Variants in AHNAK2 observed in about 807,000 individuals in gnomAD.
AHNAK2 encodes the protein protein AHNAK2.
Under a neutral mutation model 30.7 loss-of-function variants are expected in AHNAK2, and 18 were observed. That is an observed-to-expected ratio of 0.59 (90% CI 0.41 to 0.87). The LOEUF (loss-of-function observed/expected upper bound fraction) is 0.87, where lower values mean the gene tolerates loss of function less well. AHNAK2 is among the 40% of genes least tolerant of loss of function. The pLI is 0.00. For synonymous variants in AHNAK2, 3,590 were observed against 3,073.8 expected (o/e 1.17, Z -5.56); for missense variants, 8,604 against 7,373.0 (o/e 1.17, Z -6.11).
At position 104,942,690 on chromosome 14, in the gene AHNAK2, G is replaced by T. The variant is rs758836684; in HGVS notation, c.12761C>A (p.Thr4254Asn). 15 of 1,613,350 alleles carry T rather than the reference G, an allele frequency of 9.3e-6. No homozygotes were observed. Among genetic ancestry groups the T allele is most frequent in the South Asian group, 6.6e-5 (6 of 91,058 alleles). ...DLKGPKADVMTPVVEVSLPSM... is the reference protein window; with the variant it reads ...DLKGPKADVMNPVVEVSLPSM... ...GGGCAGAGACACCTCCACGACGGGG[G>T]TCATCACATCCGCCTTGGGGCCTTT... Residue 4254 changes from threonine to asparagine, a missense_variant, in exon 7 of 7, where the codon ACC (threonine) becomes AAC (asparagine). Thr to Asn is a moderately conservative substitution (Grantham distance 65). Transcript: ENST00000333244.
Position 104,948,391 on chromosome 14 carries a change from G to A in AHNAK2, c.7060C>T (p.Leu2354Phe). ...TTGAGGTCCCCCTGCATGGAGGGGA[G>A]GCTCACGTCGGCCTCCACCTTCAAC... ...SALKVEADVS[L>F]PSMQGDLKTT... The change falls in exon 7 of 7, where the codon CTC becomes TTC. Residue 2354 changes from leucine to phenylalanine, a missense_variant. By Grantham distance (22) the Leu-to-Phe change is conservative. Coordinates refer to ENST00000333244, the MANE Select transcript of AHNAK2 (RefSeq NM_138420.4). 4 of 1,612,590 alleles carry A rather than the reference G, an allele frequency of 2.5e-6. No individual in the cohort carries two copies. Among genetic ancestry groups the A allele is most frequent in the Middle Eastern group, 1.7e-4 (1 of 6,044 alleles).
rs754481244 is a variant in AHNAK2 at position 104,941,546 on chromosome 14, C to T, written c.13905G>A (p.Thr4635=). 5.0e-6 allele frequency: 8 copies of T among 1,613,134 alleles called. No individual in the cohort carries two copies. Among genetic ancestry groups the T allele is most frequent in the Non-Finnish European group, 5.9e-6 (7 of 1,179,896 alleles). Residue 4635 remains threonine, a synonymous_variant, in exon 7 of 7, where the codon ACG becomes ACA. Coordinates refer to ENST00000333244, the MANE Select transcript of AHNAK2 (RefSeq NM_138420.4). ...TCTTTGACGACCATTCAAAACCAGA[C>T]GTGCTCAGTTTTGGTCCTTGAAACT... The part of the protein sequence containing the change: ...DSKFQGPKLS[T]SGFEWSSKKV...
rs1167655755 is a variant in AHNAK2, at chr14:104,950,112, G to T, written c.5339C>A (p.Pro1780His). ...LKGPKAEVMA[P>H]DVEVSLPSVE... ...GCTGGGCAGAGACACCTCCACGTCG[G>T]GGGCCATCACCTCCGCCTTGGGGCC... Residue 1780 changes from proline to histidine, a missense_variant, in exon 7 of 7, where the codon CCC becomes CAC. Pro to His is a moderately conservative substitution (Grantham distance 77, BLOSUM62 -2). Transcript: ENST00000333244. 6.3e-7 allele frequency: 1 copy of T among 1,586,732 alleles called. No individual in the cohort carries two copies. Among genetic ancestry groups the T allele is most frequent in the African/African-American group, 1.4e-5 (1 of 72,190 alleles).
chr14:104,943,402 T>A lies in AHNAK2; in HGVS notation c.12049A>T (p.Ser4017Cys). The A allele has an allele frequency of 6.2e-7, 1 of 1,613,208 alleles. No homozygotes were observed. The highest frequency in any genetic ancestry group is 8.5e-7 in the Non-Finnish European group (1 of 1,179,636). The change falls in exon 7 of 7, where the codon AGC becomes TGC. Residue 4017 changes from serine to cysteine, a missense_variant. By Grantham distance (112) the Ser-to-Cys change is moderately radical. Coordinates refer to ENST00000333244, the MANE Select transcript of AHNAK2 (RefSeq NM_138420.4). The stretch of plus-strand genomic sequence containing the variant: ...AGGTCAGCGGAAGGGGGCTGAACGC[T>A]GAGGTCAGTGGCCTTGAGGTCCCCC... ...MQGDLKATDL[S>C]VQPPSADLEV... is the part of the protein sequence containing the mutation.
In AHNAK2 at chr14:104,949,360, G is replaced by A. The variant is rs11850891; in HGVS notation, c.6091C>T (p.Leu2031=). Residue 2031 remains leucine (L), a synonymous_variant, in exon 7 of 7, where the codon CTG becomes TTG. Transcript: ENST00000333244. ...DVSLPSMQGD[L]KTTDLSIQPP... is the part of the protein sequence containing the mutation. The stretch of plus-strand genomic sequence containing the variant: ...TGAATGCTGAGGTCAGTGGTCTTCA[G>A]GTCCCCCTGCATGGAGGGGAGACTC... 5 of 1,573,348 alleles carry A rather than the reference G, an allele frequency of 3.2e-6. No homozygotes were observed. The highest frequency in any genetic ancestry group is 2.2e-5 in the South Asian group (2 of 89,234).
At position 104,940,699 on chromosome 14, in the gene AHNAK2, C is replaced by A; in HGVS notation, c.14752G>T (p.Val4918Leu). Residue 4918 changes from valine (V) to leucine (L), a missense_variant, in exon 7 of 7, where the codon GTG becomes TTG. Coordinates refer to ENST00000333244, the MANE Select transcript of AHNAK2 (RefSeq NM_138420.4). This position sits in a 1 kb window ranked among gnomAD's most constrained non-coding sequence, Gnocchi z 4.4. ...STQLPSPGTC[V>L]SQGPEELVAS... is the part of the protein sequence containing the mutation. ...ACAAGCTCTTCTGGGCCCTGAGACA[C>A]ACAGGTGCCTGGGGATGGCAGCTGG... 1 of 1,613,108 alleles carries A rather than the reference C, an allele frequency of 6.2e-7. No homozygotes were observed.
chr14:104,941,777 T>G lies in AHNAK2; in HGVS notation c.13674A>C (p.Lys4558Asn). The change falls in exon 7 of 7, where the codon AAA (lysine) becomes AAC (asparagine). Residue 4558 changes from lysine to asparagine, a missense_variant. Lys to Asn is a moderately conservative substitution (Grantham distance 94). Transcript: ENST00000333244. ...CCACCTGGGGGCCCTTGAGGTCCAC[T>G]TTGGGCATCTTGAAACTGGGCATCT... ...KVEMPSFKMP[K>N]VDLKGPQVDV... 1.2e-6 allele frequency: 2 copies of G among 1,613,576 alleles called. No individual in the cohort carries two copies. The highest frequency in any genetic ancestry group is 2.2e-5 in the South Asian group (2 of 91,062).
In AHNAK2 at chr14:104,976,338, T is replaced by C. The variant is rs536084890; in HGVS notation, c.55+1845A>G. ...AGGAGATGGCTCCCTGCTGGGCTGGTGCCTGGTGTGTCGGGCAGAGGGCAG... is the reference window on the plus strand; with the variant it reads ...AGGAGATGGCTCCCTGCTGGGCTGGCGCCTGGTGTGTCGGGCAGAGGGCAG... On this transcript the variant is annotated intron_variant, in intron 1 of 6. Coordinates refer to ENST00000333244, the MANE Select transcript of AHNAK2 (RefSeq NM_138420.4). Among the ~76,000 whole-genome samples the C allele has an allele frequency of 1.1e-3, 164 of 152,220 alleles. 1 individual carries two copies. The highest frequency in any genetic ancestry group is 3.7e-3 in the African/African-American group (155 of 41,518).
At chr14:104,962,411 C>A (rs1218896483) in intron 1 of AHNAK2, among the ~76,000 whole-genome samples, 1 of 152,116 alleles carries the variant, frequency 6.6e-6, no homozygotes, top group African/African-American at 2.4e-5. Flanking sequence ...ATGGCCAATT[C>A]ATTCTTGTTT....
chr14:104,948,155 G>A lies in AHNAK2; in HGVS notation c.7296C>T (p.Gly2432=), dbSNP rs1898408865. The change falls in exon 7 of 7, where the codon GGC becomes GGT. Residue 2432 remains glycine (G), a synonymous_variant. Transcript: ENST00000333244. The stretch of plus-strand genomic sequence containing the variant: ...CGGGGGCCATCACGTCCGTCTTGGG[G>A]CCTTTCAGGTCCAGCTTGGGGCCCT... ...DVKGPKLDLK[G]PKTDVMAPDV... is the part of the protein sequence containing the mutation. 1.2e-6 allele frequency: 2 copies of A among 1,612,518 alleles called. No homozygotes were observed. Among genetic ancestry groups the A allele is most frequent in the Admixed American group, 1.7e-5 (1 of 59,918 alleles).
intron 1 of AHNAK2, among the ~76,000 whole-genome samples, chr14:104,975,360 C>T (rs1045988094): frequency 3.3e-5 from 5 of 152,194 alleles, no homozygotes; most frequent in African/African-American, 1.2e-4. Flanking sequence ...GCCTCCCTCC[C>T]TGGTGGTCCA....
chr14:104,951,028 GCCGT>G lies in AHNAK2; in HGVS notation c.4419_4422del (p.Arg1474TrpfsTer12), dbSNP rs756222058. 8 of 1,063,556 alleles carry G rather than the reference GCCGT, an allele frequency of 7.5e-6. 3 individuals are homozygous for G. The Admixed American group carries it at 1.1e-4, about 14-fold the overall frequency. The allele number at this position is 1,063,556 out of a possible 1,614,324, so 65.9% of individuals were successfully genotyped here. A position where few individuals can be genotyped will look rare whatever the true frequency, so the allele number is the denominator to read the frequency against. ...TCGGCCAGGGACATGTCCTCCTCCA[GCCGT>G]CCACCATCCAGCTTGGCTCCTGGGG... On this transcript the variant is annotated frameshift_variant, in exon 7 of 7. Coordinates refer to ENST00000333244, the MANE Select transcript of AHNAK2 (RefSeq NM_138420.4). LOFTEE classifies it low-confidence loss of function (END_TRUNC).
chr14:104,950,311 C>T lies in AHNAK2; in HGVS notation c.5140G>A (p.Asp1714Asn), dbSNP rs550305346. Residue 1714 changes from aspartate to asparagine, a missense_variant, in exon 7 of 7, where the codon GAC (aspartate) becomes AAC (asparagine). Coordinates refer to ENST00000333244, the MANE Select transcript of AHNAK2 (RefSeq NM_138420.4). ...TDLSIQSPSA[D>N]LEVQAGQVNV... ...ACTTGGCCAGCCTGGACCTCCAGGTCGGCGGAAGGGGACTGAATGCTGAGG... is the reference window on the plus strand; with the variant it reads ...ACTTGGCCAGCCTGGACCTCCAGGTTGGCGGAAGGGGACTGAATGCTGAGG... 72 of 1,585,018 alleles carry T rather than the reference C, an allele frequency of 4.5e-5. 9 individuals are homozygous for T. The South Asian group carries it at 5.5e-4, about 12-fold the overall frequency.
rs371655698 is a variant in AHNAK2, at chr14:104,945,498, T to A, written c.9953A>T (p.Tyr3318Phe). The A allele has an allele frequency of 2.9e-5, 46 of 1,610,614 alleles. No individual in the cohort carries two copies. Among genetic ancestry groups the A allele is most frequent in the Middle Eastern group, 1.7e-4 (1 of 6,042 alleles). The change falls in exon 7 of 7, where the codon TAC becomes TTC. Residue 3318 changes from tyrosine (Y) to phenylalanine (F), a missense_variant. Transcript: ENST00000333244. Reference protein sequence around the residue: ...FKMPKFKMPSYRASAPGKSIQ... With the variant: ...FKMPKFKMPSFRASAPGKSIQ... ...GGACTTGCCTGGGGCAGACGCCCTG[T>A]ACGACGGCATCTTGAATTTGGGCAT... is the stretch of plus-strand genomic sequence containing the variant.
chr14:104,947,303 G>A lies in AHNAK2; in HGVS notation c.8148C>T (p.Leu2716=), dbSNP rs777434444. The A allele has an allele frequency of 1.2e-6, 2 of 1,611,954 alleles. No individual in the cohort carries two copies. The highest frequency in any genetic ancestry group is 1.7e-6 in the Non-Finnish European group (2 of 1,179,390). ...CTCCCTCGGGAACGTGGCCCTCTGG[G>A]AGTTTCACATCCACCTGGCCAGCCT... ...EVQAGQVDVK[L]PEGHVPEGAG... The change falls in exon 7 of 7, where the codon CTC becomes CTT. Residue 2716 remains leucine, a synonymous_variant. Coordinates refer to ENST00000333244, the MANE Select transcript of AHNAK2 (RefSeq NM_138420.4).
In AHNAK2 at chr14:104,966,324, C is replaced by T. The variant is rs952044374; in HGVS notation, c.56-8652G>A. On this transcript the variant is annotated intron_variant, in intron 1 of 6. Transcript: ENST00000333244. The surrounding 1 kb of genome is among the most constrained non-coding windows in gnomAD (Gnocchi z 4.3). ...CCTCCGTTTCCCCCACCTGCCAAAC[C>T]AGCCTTGCCCACGGTGTCAGCCCAA... Among the ~76,000 whole-genome samples the T allele has an allele frequency of 1.3e-5, 2 of 152,148 alleles. No homozygotes were observed. Among genetic ancestry groups the T allele is most frequent in the Non-Finnish European group, 2.9e-5 (2 of 68,018 alleles).
Position 104,948,836 on chromosome 14 carries a change from G to C in AHNAK2, c.6615C>G (p.Pro2205=), listed in dbSNP as rs374716466. 6.2e-6 allele frequency: 10 copies of C among 1,612,006 alleles called. No homozygotes were observed. In the African/African-American group the frequency reaches 1.2e-4, roughly 20 times the overall value. ...DLKTTDLSIQ[P]LSADVKVQAG... Reference sequence around the variant, plus strand: ...CCTGGACCTTCACGTCGGCGGAAAGGGGCTGAATGCTGAGGTCAGTGGTCT... The same window carrying C: ...CCTGGACCTTCACGTCGGCGGAAAGCGGCTGAATGCTGAGGTCAGTGGTCT... Residue 2205 remains proline (P), a synonymous_variant, in exon 7 of 7, where the codon CCC becomes CCG. Transcript: ENST00000333244.
chr14:104,959,435 G>A (rs1447286720), intron 1 of AHNAK2, among the ~76,000 whole-genome samples: 2 of 152,164 alleles, frequency 1.3e-5, no homozygotes, highest in African/African-American at 2.4e-5. Context: ...CTCCCAAAGT[G>A]CTGGGATTAC....
chr14:104,952,361 G>C lies in AHNAK2; in HGVS notation c.3090C>G (p.Ala1030=), dbSNP rs375406413. The C allele has an allele frequency of 6.8e-6, 11 of 1,612,702 alleles. No individual in the cohort carries two copies. Among genetic ancestry groups the C allele is most frequent in the Non-Finnish European group, 8.5e-6 (10 of 1,179,604 alleles). The change falls in exon 7 of 7, where the codon GCC becomes GCG. Residue 1030 remains alanine (A), a synonymous_variant. Coordinates refer to ENST00000333244, the MANE Select transcript of AHNAK2 (RefSeq NM_138420.4). ...LVDVSAPKVE[A]DLSLPSMQGD... is the part of the protein sequence containing the mutation. ...CCTGCATGGAGGGGAGACTCAGGTC[G>C]GCCTCCACCTTGGGTGCAGACACAT...
Sources: gnomAD v4.1 joint callset for allele counts (sites outside exome capture counted in the v4.1 genomes callset) on GRCh38, gnomAD v4.1.1 for gene constraint, Gnocchi (gnomAD v3.1) non-coding constraint, MANE v1.5 for transcripts, NCBI Gene and HGNC (gene_info 2026-07-23, HGNC 2026-07-21) for gene names.